Variants in BTBD1 observed in about 807,000 individuals in gnomAD.
BTBD1 encodes BTB/POZ domain-containing protein 1.
A neutral mutation model predicts 48.0 loss-of-function variants in BTBD1; 34 were observed. That is an observed-to-expected ratio of 0.71 (90% CI 0.54 to 0.94). The LOEUF (loss-of-function observed/expected upper bound fraction) is 0.94, where lower values mean the gene tolerates loss of function less well. Ranked by LOEUF, BTBD1 falls within the 40% of genes least tolerant of loss-of-function variation. The pLI is 0.00. For missense variants in BTBD1, 543 were observed against 625.6 expected (o/e 0.87, Z 1.41); for synonymous variants, 261 against 242.1 (o/e 1.08, Z -0.72).
chr15:83,027,316 C>T (rs2032429261), intron 5 of BTBD1, among the ~76,000 whole-genome samples: 2 of 152,248 alleles, frequency 1.3e-5, no homozygotes, highest in Admixed American at 1.3e-4. Flanking sequence ...CGCACCACTG[C>T]ACTCCAGCCT....
chr15:83,025,295 T>G lies in BTBD1; in HGVS notation c.1056-4533A>C, dbSNP rs547718550. Among the ~76,000 whole-genome samples the G allele has an allele frequency of 5.3e-4, 76 of 142,444 alleles. No homozygotes were observed. The Middle Eastern group carries it at 0.012, about 22-fold the overall frequency. The allele number at this position is 142,444 out of a possible 152,430, so 93.4% of individuals were successfully genotyped here. ...ATTACTTGAACTCAGGAGGCGGAGGTTGCAGTGAGCCCAGATCTCACCATT... is the reference window on the plus strand; with the variant it reads ...ATTACTTGAACTCAGGAGGCGGAGGGTGCAGTGAGCCCAGATCTCACCATT... On this transcript the variant is annotated intron_variant, in intron 5 of 7. Transcript: ENST00000261721.
At chr15:83,052,083 A>G (rs1366412200) in intron 2 of BTBD1, among the ~76,000 whole-genome samples, 1 of 152,084 alleles carries the variant, frequency 6.6e-6, no homozygotes, top group Non-Finnish European at 1.5e-5. Flanking sequence ...CAGCCTCCTG[A>G]GTAGCTGGGA....
intron 4 of BTBD1, chr15:83,030,636 A>T (rs1270540171): frequency 1.9e-5 from 4 of 208,682 alleles, no homozygotes; most frequent in Non-Finnish European, 3.8e-5. Context: ...TGGATCAAAG[A>T]CTTAAATCTA....
chr15:83,065,729 T>C (rs1177286196), intron 1 of BTBD1, among the ~76,000 whole-genome samples: 3 of 152,240 alleles, frequency 2.0e-5, no homozygotes, highest in African/African-American at 4.8e-5. Flanking sequence ...GTCCCATTTG[T>C]GAAATTGGGG....
At chr15:83,065,814 T>C (rs74028224) in intron 1 of BTBD1, among the ~76,000 whole-genome samples, 329 of 152,320 alleles carry the variant, frequency 2.2e-3, no homozygotes, top group African/African-American at 7.3e-3. Context: ...ACCTTTTCAT[T>C]AGATGTCAAT....
At position 83,067,054 on chromosome 15, in the gene BTBD1, G is replaced by A. The variant is rs1396944557; in HGVS notation, c.98C>T (p.Ser33Phe). Residue 33 changes from serine (S) to phenylalanine (F), a missense_variant, in exon 1 of 8, where the codon TCT becomes TTT. Coordinates refer to ENST00000261721, the MANE Select transcript of BTBD1 (RefSeq NM_025238.4). Reference sequence around the variant, plus strand: ...CTGCAGGGGGAGCAGGGGCCCCAGAGAGGACGGTGAGGGCGGCGGCGGCGG... The same window carrying A: ...CTGCAGGGGGAGCAGGGGCCCCAGAAAGGACGGTGAGGGCGGCGGCGGCGG... The part of the protein sequence containing the change: ...AGPPPPPSPS[S>F]LGPLLPLQRE... The A allele has an allele frequency of 6.3e-7, 1 of 1,576,900 alleles. No homozygotes were observed. Among genetic ancestry groups the A allele is most frequent in the Non-Finnish European group, 8.6e-7 (1 of 1,164,346 alleles).
At chr15:83,031,145 C>T (rs2032507988) in intron 4 of BTBD1, among the ~76,000 whole-genome samples, 1 of 152,202 alleles carries the variant, frequency 6.6e-6, no homozygotes, top group South Asian at 2.1e-4. Context: ...GCCCCACCAA[C>T]AGTGTAAAAG....
intron 4 of BTBD1, among the ~76,000 whole-genome samples, chr15:83,039,527 C>T (rs775742292): frequency 6.6e-6 from 1 of 152,096 alleles, no homozygotes; most frequent in Non-Finnish European, 1.5e-5. Flanking sequence ...AATCCCAGCA[C>T]TCTGGGAGGC....
At chr15:83,045,139 A>T (rs1170081451) in intron 3 of BTBD1, among the ~76,000 whole-genome samples, 1 of 152,260 alleles carries the variant, frequency 6.6e-6, no homozygotes, top group Non-Finnish European at 1.5e-5. Context: ...GAAATCAATT[A>T]AAGCATTAAA....
intron 1 of BTBD1, among the ~76,000 whole-genome samples, chr15:83,063,902 C>G (rs760104205): frequency 1.2e-4 from 18 of 152,194 alleles, no homozygotes; most frequent in Non-Finnish European, 2.2e-4. Flanking sequence ...CAGTACTTGA[C>G]ATTGTATCTT....
At chr15:83,033,216 T>G (rs1043269700) in intron 4 of BTBD1, among the ~76,000 whole-genome samples, 2 of 151,878 alleles carry the variant, frequency 1.3e-5, no homozygotes, top group Non-Finnish European at 2.9e-5. Context: ...CCCATCTCTT[T>G]TTTTAAAAAA....
chr15:83,021,108 A>C (rs1340313338), intron 5 of BTBD1, among the ~76,000 whole-genome samples: 1 of 152,242 alleles, frequency 6.6e-6, no homozygotes, highest in Non-Finnish European at 1.5e-5. Context: ...ATCTCAAACT[A>C]CGACAATTAT....
At chr15:83,023,416 G>A (rs989708619) in intron 5 of BTBD1, among the ~76,000 whole-genome samples, 2 of 152,084 alleles carry the variant, frequency 1.3e-5, no homozygotes, top group African/African-American at 4.8e-5. Context: ...GTCTTGCTCT[G>A]TCACCCGAAC....
intron 2 of BTBD1, among the ~76,000 whole-genome samples, chr15:83,053,659 T>A (rs1203867860): frequency 6.6e-6 from 1 of 152,214 alleles, no homozygotes; most frequent in Non-Finnish European, 1.5e-5. Flanking sequence ...CTTATGAATA[T>A]CAACTTATTT....
Position 83,041,534 on chromosome 15 carries a change from C to A in BTBD1, c.862+194G>T, listed in dbSNP as rs560154785. 2.6e-5 allele frequency among the ~76,000 whole-genome samples: 4 copies of A among 152,088 alleles called. 1 individual carries two copies. In the East Asian group the frequency reaches 7.8e-4, roughly 29 times the overall value. On this transcript the variant is annotated intron_variant, in intron 4 of 7. Transcript: ENST00000261721. ...GAGATTACAGGTGCCCACCACCATG[C>A]CTAATTTTTTGTACTTTTAGTAGAG...
At chr15:83,050,730 T>C (rs1043857388) in intron 2 of BTBD1, among the ~76,000 whole-genome samples, 11 of 152,172 alleles carry the variant, frequency 7.2e-5, no homozygotes, top group African/African-American at 2.4e-4. Context: ...AATAGGGTAC[T>C]AGAATTTTAG....
intron 5 of BTBD1, among the ~76,000 whole-genome samples, chr15:83,026,303 C>T (rs1041874274): frequency 6.6e-6 from 1 of 152,016 alleles, no homozygotes; most frequent in Non-Finnish European, 1.5e-5. Context: ...ACGAGTTCCA[C>T]CCCCAAGGAG....
At chr15:83,059,609 G>A (rs920263586) in intron 1 of BTBD1, among the ~76,000 whole-genome samples, 5 of 152,226 alleles carry the variant, frequency 3.3e-5, no homozygotes, top group Non-Finnish European at 5.9e-5. Context: ...TTTTGAGACA[G>A]GGTCTCATTG....
At chr15:83,048,438 T>C (rs996839124) in intron 3 of BTBD1, among the ~76,000 whole-genome samples, 13 of 152,170 alleles carry the variant, frequency 8.5e-5, no homozygotes, top group Non-Finnish European at 5.9e-5. Flanking sequence ...ATCATAAAGA[T>C]AGTATTTAAA....
Sources: gnomAD v4.1 joint callset for allele counts (sites outside exome capture counted in the v4.1 genomes callset) on GRCh38, gnomAD v4.1.1 for gene constraint, MANE v1.5 for transcripts, NCBI Gene and HGNC (gene_info 2026-07-23, HGNC 2026-07-21) for gene names.